Variants in TNS3 observed in about 807,000 individuals in gnomAD.
The protein encoded by TNS3 is tensin 3.
In TNS3, 45 loss-of-function variants were observed where a neutral mutation model predicts 140.9. That is an observed-to-expected ratio of 0.32 (90% CI 0.25 to 0.41). TNS3 has a LOEUF of 0.41. Ranked by LOEUF, TNS3 falls within the 10% of genes least tolerant of loss-of-function variation. TNS3 has a pLI of 1.00. For synonymous variants in TNS3, 815 were observed against 788.4 expected (o/e 1.03, Z -0.56); for missense variants, 1,716 against 1,906.7 (o/e 0.90, Z 1.86).
Position 47,303,400 on chromosome 7 carries a change from A to T in TNS3, c.3007T>A (p.Ser1003Thr). ...LQAPFHSHELSLAEPPDSLAP... is the reference protein window; with the variant it reads ...LQAPFHSHELTLAEPPDSLAP... The stretch of plus-strand genomic sequence containing the variant: ...AGGGAGTCCGGTGGCTCTGCTAGGG[A>T]CAGCTCATGGCTGTGGAAAGGAGCC... Residue 1003 changes from serine to threonine, a missense_variant, in exon 22 of 31, where the codon TCC (serine) becomes ACC (threonine). Around this residue, in one of 3 missense-constraint regions of TNS3, gnomAD observed 1,163 missense variants for 1,182.1 expected, o/e 0.98. Coordinates refer to ENST00000311160, the MANE Select transcript of TNS3 (RefSeq NM_022748.12). 6.2e-7 allele frequency: 1 copy of T among 1,613,770 alleles called. No individual in the cohort carries two copies. Among genetic ancestry groups the T allele is most frequent in the Non-Finnish European group, 8.5e-7 (1 of 1,179,992 alleles).
intron 20 of TNS3, among the ~76,000 whole-genome samples, chr7:47,316,094 T>TCTC (rs1787382001): frequency 1.9e-5 from 2 of 105,778 alleles, no homozygotes; most frequent in Non-Finnish European, 3.9e-5. Context: ...AACTAACTAT[T>TCTC]TCTCTCTCTC....
At chr7:47,377,261 CAG>C (rs1318934097) in intron 16 of TNS3, among the ~76,000 whole-genome samples, 1 of 152,230 alleles carries the variant, frequency 6.6e-6, no homozygotes, top group East Asian at 1.9e-4. Context: ...ATGCTGAAGA[CAG>C]AGAGGCTTCG....
chr7:47,416,814 C>T (rs1193031451), intron 10 of TNS3, among the ~76,000 whole-genome samples: 1 of 152,224 alleles, frequency 6.6e-6, no homozygotes, highest in Non-Finnish European at 1.5e-5. Flanking sequence ...TTCATGGGTC[C>T]TTTGGCTCCC....
chr7:47,452,945 G>A, intron 4 of TNS3: 1 of 985,408 alleles, frequency 1.0e-6, no homozygotes, highest in African/African-American at 1.7e-5. Context: ...TGCTGGGCCT[G>A]GGCAGGGACC....
intron 4 of TNS3, among the ~76,000 whole-genome samples, chr7:47,467,471 A>G (rs1242243731): frequency 6.6e-6 from 1 of 152,232 alleles, no homozygotes; most frequent in Non-Finnish European, 1.5e-5. Flanking sequence ...CACATTTTAA[A>G]GAAACCTGTT....
chr7:47,408,985 C>A (rs1428597054), intron 13 of TNS3, among the ~76,000 whole-genome samples: 2 of 151,856 alleles, frequency 1.3e-5, no homozygotes, highest in Non-Finnish European at 2.9e-5. Context: ...TCCTCTAGGG[C>A]AAAAACTTCA....
chr7:47,440,527 C>T (rs913364744), intron 5 of TNS3, among the ~76,000 whole-genome samples: 3 of 152,176 alleles, frequency 2.0e-5, no homozygotes, highest in African/African-American at 7.2e-5. Context: ...CATGTCATGG[C>T]CAGCAGGCTG....
intron 17 of TNS3, among the ~76,000 whole-genome samples, chr7:47,363,923 C>T (rs1790540198): frequency 6.6e-6 from 1 of 152,148 alleles, no homozygotes; most frequent in South Asian, 2.1e-4. Flanking sequence ...AGGGCTCCAG[C>T]TCAACAGCCC....
At chr7:47,404,458 C>T (rs1425555692) in intron 13 of TNS3, among the ~76,000 whole-genome samples, 1 of 152,154 alleles carries the variant, frequency 6.6e-6, no homozygotes, top group East Asian at 1.9e-4. Flanking sequence ...AGAGAGGGCA[C>T]TTGGTACTCA....
chr7:47,523,677 T>A (rs1030968227), intron 2 of TNS3, among the ~76,000 whole-genome samples: 1 of 152,176 alleles, frequency 6.6e-6, no homozygotes, highest in Non-Finnish European at 1.5e-5. Flanking sequence ...GGCAAAGGTT[T>A]TCCTTCATCT....
chr7:47,570,464 G>A (rs1042753005), intron 1 of TNS3, among the ~76,000 whole-genome samples: 3 of 152,304 alleles, frequency 2.0e-5, no homozygotes, highest in Admixed American at 2.0e-4. Flanking sequence ...ATATCAGTAG[G>A]CTAGATTCTC....
chr7:47,283,607 C>T, intron 28 of TNS3, 90 bp downstream of exon 28: 2 of 1,279,642 alleles, frequency 1.6e-6, no homozygotes, highest in Non-Finnish European at 2.0e-6. Context: ...TAATGATTTA[C>T]CTGGATGACT....
At chr7:47,416,851 C>CTTTTTG (rs1794106864) in intron 10 of TNS3, among the ~76,000 whole-genome samples, 1 of 152,218 alleles carries the variant, frequency 6.6e-6, no homozygotes, top group African/African-American at 2.4e-5. Flanking sequence ...TGAGGAACCA[C>CTTTTTG]AAATGCCCGG....
intron 1 of TNS3, among the ~76,000 whole-genome samples, chr7:47,541,719 C>T (rs908631836): frequency 6.6e-6 from 1 of 151,988 alleles, no homozygotes; most frequent in Non-Finnish European, 1.5e-5. Context: ...GAGGCTGAGG[C>T]GAGCGGATCA....
chr7:47,525,248 A>G (rs1799150549), intron 2 of TNS3, among the ~76,000 whole-genome samples: 1 of 152,214 alleles, frequency 6.6e-6, no homozygotes, highest in Non-Finnish European at 1.5e-5. Flanking sequence ...CCACCGAAGC[A>G]GAACTCCAGA....
At chr7:47,539,531 A>T in intron 1 of TNS3, 1 of 243,578 alleles carries the variant, frequency 4.1e-6, no homozygotes, top group Non-Finnish European at 8.1e-6. Context: ...CTAGGCTCTT[A>T]CACTCCAGGG....
chr7:47,500,040 C>T lies in TNS3; in HGVS notation c.-115+6867G>A, dbSNP rs945621834. 4.9e-4 allele frequency among the ~76,000 whole-genome samples: 75 copies of T among 152,236 alleles called. 1 individual carries two copies. Among genetic ancestry groups the T allele is most frequent in the African/African-American group, 1.8e-3 (75 of 41,544 alleles). ...TCTGAAACTGCTCTAAAAATAACAT[C>T]TTCTAATTTTAAAAACCATTTTAAA... is the stretch of plus-strand genomic sequence containing the variant. On this transcript the variant is annotated intron_variant, in intron 3 of 30. Coordinates refer to ENST00000311160, the MANE Select transcript of TNS3 (RefSeq NM_022748.12).
chr7:47,449,488 T>C (rs796578720), intron 4 of TNS3, among the ~76,000 whole-genome samples: 3 of 152,328 alleles, frequency 2.0e-5, no homozygotes, highest in African/African-American at 7.2e-5. Flanking sequence ...CTTTACCTGG[T>C]TAACTCCTGT....
intron 1 of TNS3, among the ~76,000 whole-genome samples, chr7:47,560,592 C>T (rs967483322): frequency 2.6e-5 from 4 of 152,166 alleles, no homozygotes; most frequent in South Asian, 2.1e-4. Flanking sequence ...AGTCCTTGGC[C>T]GACTCTGCCT....
Sources: gnomAD v4.1 joint callset for allele counts (sites outside exome capture counted in the v4.1 genomes callset) on GRCh38, gnomAD v4.1.1 for gene constraint, gnomAD v4.1.1 regional missense constraint, MANE v1.5 for transcripts, NCBI Gene and HGNC (gene_info 2026-07-23, HGNC 2026-07-21) for gene names.